Variants in CSGALNACT1 observed in about 807,000 individuals in gnomAD.
CSGALNACT1 encodes chondroitin sulfate N-acetylgalactosaminyltransferase 1.
Under a neutral mutation model 51.0 loss-of-function variants are expected in CSGALNACT1, and 52 were observed. That is an observed-to-expected ratio of 1.02 (90% CI 0.82 to 1.29). CSGALNACT1 has a LOEUF of 1.29. CSGALNACT1 is among the 50% of genes most tolerant of loss of function. The pLI, the probability that CSGALNACT1 is intolerant of heterozygous loss-of-function variation, is 0.00. For missense variants in CSGALNACT1, 935 were observed against 679.2 expected (o/e 1.38, Z -4.19); for synonymous variants, 341 against 254.4 (o/e 1.34, Z -3.24).
chr8:19,721,610 T>C (rs1195065508), intron 1 of CSGALNACT1, among the ~76,000 whole-genome samples: 1 of 152,128 alleles, frequency 6.6e-6, no homozygotes, highest in African/African-American at 2.4e-5. Flanking sequence ...GCATTTAAAT[T>C]GGGCCACTTC....
chr8:19,740,875 T>C (rs2064270097), intron 1 of CSGALNACT1, among the ~76,000 whole-genome samples: 1 of 152,186 alleles, frequency 6.6e-6, no homozygotes, highest in South Asian at 2.1e-4. Context: ...TATCATAAGT[T>C]AAAATGGATG....
At chr8:19,756,354 C>G (rs1331052747) in intron 1 of CSGALNACT1, among the ~76,000 whole-genome samples, 2 of 152,150 alleles carry the variant, frequency 1.3e-5, no homozygotes, top group African/African-American at 2.4e-5. Flanking sequence ...TTTAACCACT[C>G]CATGCTTTTT....
intron 3 of CSGALNACT1, among the ~76,000 whole-genome samples, chr8:19,581,779 TAAAGC>T (rs770803319): frequency 2.6e-5 from 4 of 152,222 alleles, no homozygotes; most frequent in Non-Finnish European, 4.4e-5. Context: ...CCAAGGCCCA[TAAAGC>T]AGAGAATAAA....
chr8:19,457,906 A>C, intron 5 of CSGALNACT1: 1 of 773,548 alleles, frequency 1.3e-6, no homozygotes, highest in African/African-American at 1.8e-5. Flanking sequence ...CTTAAGTCTA[A>C]GATGATGCAG....
chr8:19,523,204 C>T (rs2081062678), intron 3 of CSGALNACT1, among the ~76,000 whole-genome samples: 1 of 152,180 alleles, frequency 6.6e-6, no homozygotes, highest in Admixed American at 6.5e-5. Context: ...CCACACCCAC[C>T]TCGCTCTATA....
intron 4 of CSGALNACT1, among the ~76,000 whole-genome samples, chr8:19,484,745 T>C (rs1285358574): frequency 6.6e-6 from 1 of 152,208 alleles, no homozygotes; most frequent in Non-Finnish European, 1.5e-5. Context: ...GTTTGGAGAA[T>C]ACCAAGAAGT....
intron 1 of CSGALNACT1, among the ~76,000 whole-genome samples, chr8:19,635,507 C>G (rs1361468505): frequency 6.6e-6 from 1 of 152,142 alleles, no homozygotes; most frequent in Admixed American, 6.5e-5. Flanking sequence ...TAGGGGTGAA[C>G]CTCGGCTGCT....
intron 1 of CSGALNACT1, among the ~76,000 whole-genome samples, chr8:19,607,807 T>C (rs1021271673): frequency 6.6e-6 from 1 of 152,248 alleles, no homozygotes; most frequent in Admixed American, 6.5e-5. Flanking sequence ...GGACTAAGTC[T>C]GTGATTCTCA....
rs143005893 is a variant in CSGALNACT1, at chr8:19,586,954, G to A, written c.-297+4206C>T. Among the ~76,000 whole-genome samples, 24 of 152,272 alleles carry A rather than the reference G, an allele frequency of 1.6e-4. No homozygotes were observed. The East Asian group carries it at 3.9e-3, about 24-fold the overall frequency. ...ATCTCACAACTCTAGTAATCTCCAG[G>A]AAACACTCTGGGAAACGCTGGTCTC... is the stretch of plus-strand genomic sequence containing the variant. On this transcript the variant is annotated intron_variant, in intron 3 of 9. Coordinates refer to ENST00000454498, the Ensembl canonical transcript of CSGALNACT1.
intron 1 of CSGALNACT1, among the ~76,000 whole-genome samples, chr8:19,701,852 A>T (rs2061899532): frequency 6.6e-6 from 1 of 152,208 alleles, no homozygotes; most frequent in Admixed American, 6.5e-5. Flanking sequence ...CCACTACAAG[A>T]TGATAATATC....
intron 6 of CSGALNACT1, among the ~76,000 whole-genome samples, chr8:19,437,339 G>A (rs575153790): frequency 6.6e-6 from 1 of 152,306 alleles, no homozygotes; most frequent in Non-Finnish European, 1.5e-5. Flanking sequence ...AGTTTGGCTA[G>A]GGAGCAGTGA....
intron 6 of CSGALNACT1, among the ~76,000 whole-genome samples, chr8:19,428,898 G>A (rs1246935788): frequency 3.4e-5 from 5 of 147,334 alleles, no homozygotes; most frequent in African/African-American, 7.5e-5. Flanking sequence ...GTATTTATAT[G>A]TATACTTTTT....
chr8:19,486,690 G>T (rs191882992), intron 4 of CSGALNACT1, among the ~76,000 whole-genome samples: 74 of 152,216 alleles, frequency 4.9e-4, no homozygotes, highest in Admixed American at 1.8e-3. Context: ...TCTTATTTCA[G>T]ATTGTATTAT....
intron 1 of CSGALNACT1, among the ~76,000 whole-genome samples, chr8:19,700,215 T>G (rs1427762935): frequency 6.6e-6 from 1 of 151,620 alleles, no homozygotes; most frequent in Non-Finnish European, 1.5e-5. Flanking sequence ...TTTTTAGTAA[T>G]ATAAATTGTT....
At chr8:19,695,917 A>G (rs2061557710) in intron 1 of CSGALNACT1, among the ~76,000 whole-genome samples, 1 of 152,218 alleles carries the variant, frequency 6.6e-6, no homozygotes, top group Non-Finnish European at 1.5e-5. Context: ...TCACAAAGCC[A>G]TTAGCGCTCA....
intron 6 of CSGALNACT1, among the ~76,000 whole-genome samples, chr8:19,435,959 A>G (rs146848262): frequency 1.3e-5 from 2 of 152,146 alleles, no homozygotes; most frequent in Non-Finnish European, 1.5e-5. Flanking sequence ...CTTCACTCTG[A>G]TATTTTCTAT....
Position 19,708,306 on chromosome 8 carries a change from G to A in CSGALNACT1, c.-297+49544C>T, listed in dbSNP as rs796078583. The stretch of plus-strand genomic sequence containing the variant: ...CAGACTCAGCACCTAGGAGCCCACT[G>A]CATCACCTGGGATGCCCATCAGCGT... On this transcript the variant is annotated intron_variant, in intron 1 of 1. Coordinates refer to the CSGALNACT1 transcript ENST00000517494. Among the ~76,000 whole-genome samples the A allele has an allele frequency of 6.6e-5, 10 of 152,316 alleles. 2 individuals are homozygous for A. The highest frequency in any genetic ancestry group is 2.4e-4 in the African/African-American group (10 of 41,576).
intron 1 of CSGALNACT1, among the ~76,000 whole-genome samples, chr8:19,645,492 C>T (rs2057183571): frequency 2.0e-5 from 3 of 152,236 alleles, no homozygotes; most frequent in Admixed American, 6.5e-5. Flanking sequence ...AAGCTGTGTG[C>T]TCCTTGGCAA....
chr8:19,406,074 C>A lies in CSGALNACT1; in HGVS notation c.1310-5G>T. ...TGATGTCCAGATCAAACCCACCTGT[C>A]GGGACAGAACACACTGTTGAATCAC... On this transcript the variant is annotated splice_polypyrimidine_tract_variant and splice_region_variant and intron_variant, in intron 9 of 9. Transcript: ENST00000454498. The A allele has an allele frequency of 6.2e-7, 1 of 1,614,088 alleles. No individual in the cohort carries two copies. Among genetic ancestry groups the A allele is most frequent in the Non-Finnish European group, 8.5e-7 (1 of 1,180,028 alleles).
Sources: gnomAD v4.1 joint callset for allele counts (sites outside exome capture counted in the v4.1 genomes callset) on GRCh38, gnomAD v4.1.1 for gene constraint, MANE v1.5 for transcripts, NCBI Gene and HGNC (gene_info 2026-07-23, HGNC 2026-07-21) for gene names.